Variants in NPSR1 observed in about 807,000 individuals in gnomAD.
NPSR1 encodes neuropeptide S receptor.
NPSR1 carries 48 observed loss-of-function variants against 46.9 expected under a neutral mutation model. That is an observed-to-expected ratio of 1.02 (90% confidence interval 0.81 to 1.30). The LOEUF (loss-of-function observed/expected upper bound fraction) is 1.30, where lower values mean the gene tolerates loss of function less well. Ranked by LOEUF, NPSR1 falls within the 50% of genes most tolerant of loss-of-function variation. The pLI is 0.00. For missense variants in NPSR1, 450 were observed against 449.5 expected (o/e 1.00, Z -0.01); for synonymous variants, 176 against 168.1 (o/e 1.05, Z -0.36).
intron 2 of NPSR1, among the ~76,000 whole-genome samples, chr7:34,737,915 T>C (rs1784756382): frequency 1.3e-5 from 2 of 152,178 alleles, no homozygotes; most frequent in African/African-American, 4.8e-5. Flanking sequence ...GTTTCCTTAG[T>C]CCAACACAGA....
At chr7:34,659,781 C>T (rs960761750) in intron 1 of NPSR1, among the ~76,000 whole-genome samples, 1 of 152,136 alleles carries the variant, frequency 6.6e-6, no homozygotes, top group Non-Finnish European at 1.5e-5. Context: ...CACTTAATGT[C>T]GACTGAATAA....
At chr7:34,757,646 C>T (rs747260865) in intron 2 of NPSR1, among the ~76,000 whole-genome samples, 1 of 152,204 alleles carries the variant, frequency 6.6e-6, no homozygotes, top group African/African-American at 2.4e-5. Flanking sequence ...ACTGACCCCC[C>T]AGTTTCTGCC....
chr7:34,815,187 G>A (rs918867470), intron 4 of NPSR1, among the ~76,000 whole-genome samples: 6 of 152,132 alleles, frequency 3.9e-5, no homozygotes, highest in African/African-American at 7.2e-5. Context: ...ATGGTTAGAC[G>A]AATGGCTAAA....
intron 8 of NPSR1, among the ~76,000 whole-genome samples, chr7:34,872,721 C>T (rs530866765): frequency 3.0e-4 from 46 of 151,784 alleles, no homozygotes; most frequent in Admixed American, 7.2e-4. Flanking sequence ...CTTTATAAAA[C>T]GATCAGGTCT....
chr7:34,685,928 C>A (rs34737361), intron 2 of NPSR1: 24 of 225,118 alleles, frequency 1.1e-4, no homozygotes, highest in Non-Finnish European at 2.1e-4. Context: ...CTCCTATAAC[C>A]GTAGAAGTAG....
intron 2 of NPSR1, among the ~76,000 whole-genome samples, chr7:34,724,077 C>G (rs1279609288): frequency 6.6e-6 from 1 of 152,182 alleles, no homozygotes; most frequent in Non-Finnish European, 1.5e-5. Context: ...ATCCATTATA[C>G]TTTCACTTTC....
chr7:34,756,510 T>C (rs561971209), intron 2 of NPSR1, among the ~76,000 whole-genome samples: 1 of 152,260 alleles, frequency 6.6e-6, no homozygotes, highest in African/African-American at 2.4e-5. Context: ...GCTTTGCAGG[T>C]CCTATGATCT....
At chr7:34,758,473 T>C (rs1414553259) in intron 2 of NPSR1, among the ~76,000 whole-genome samples, 1 of 152,206 alleles carries the variant, frequency 6.6e-6, no homozygotes, top group Non-Finnish European at 1.5e-5. Flanking sequence ...TTGCTCAACA[T>C]GTTGCCCATA....
At chr7:34,820,363 GGT>G in intron 4 of NPSR1, among the ~76,000 whole-genome samples, 1 of 152,184 alleles carries the variant, frequency 6.6e-6, no homozygotes, top group African/African-American at 2.4e-5. Context: ...TCGGTCATTT[GGT>G]GTGTCTGTTT....
At chr7:34,780,437 T>C (rs558962455) in intron 3 of NPSR1, among the ~76,000 whole-genome samples, 5 of 152,262 alleles carry the variant, frequency 3.3e-5, no homozygotes, top group African/African-American at 1.2e-4. Flanking sequence ...TCTTTTGACA[T>C]AGGGAAAACG....
At chr7:34,760,003 C>T (rs530408608) in intron 2 of NPSR1, among the ~76,000 whole-genome samples, 18 of 152,242 alleles carry the variant, frequency 1.2e-4, no homozygotes, top group South Asian at 2.1e-4. Flanking sequence ...TCACCTTATC[C>T]GCCATCAGTT....
chr7:34,692,142 G>A (rs1003729524), intron 2 of NPSR1, among the ~76,000 whole-genome samples: 28 of 151,524 alleles, frequency 1.8e-4, no homozygotes, highest in African/African-American at 2.2e-4. Context: ...AAAACAAAAC[G>A]AAACAAAATA....
intron 2 of NPSR1, among the ~76,000 whole-genome samples, chr7:34,729,520 A>G (rs1163303185): frequency 6.6e-6 from 1 of 152,204 alleles, no homozygotes; most frequent in Admixed American, 6.5e-5. Flanking sequence ...AAACAACATA[A>G]TAAAAGATAT....
intron 2 of NPSR1, among the ~76,000 whole-genome samples, chr7:34,712,148 T>A (rs1783322212): frequency 6.6e-6 from 1 of 152,222 alleles, no homozygotes. Flanking sequence ...CCACTGCAGA[T>A]CAGGGACTGG....
intron 1 of NPSR1, among the ~76,000 whole-genome samples, chr7:34,681,463 T>G (rs114004239): frequency 2.0e-5 from 3 of 152,108 alleles, no homozygotes; most frequent in Non-Finnish European, 4.4e-5. Context: ...ACAAGGTAAG[T>G]AGAGGTATGC....
At chr7:34,866,851 C>A (rs1001617864) in intron 8 of NPSR1, among the ~76,000 whole-genome samples, 4 of 151,594 alleles carry the variant, frequency 2.6e-5, no homozygotes, top group Non-Finnish European at 2.9e-5. Flanking sequence ...AAAACCCATG[C>A]CAAATTGAAA....
At chr7:34,836,369 T>C (rs758727324) in intron 6 of NPSR1, among the ~76,000 whole-genome samples, 1 of 152,168 alleles carries the variant, frequency 6.6e-6, no homozygotes, top group African/African-American at 2.4e-5. Flanking sequence ...AAGAGAATTA[T>C]ATGGACAGGG....
At chr7:34,703,886 C>G (rs1182767538) in intron 2 of NPSR1, 1 of 127,538 alleles carries the variant, frequency 7.8e-6, no homozygotes, top group Non-Finnish European at 1.7e-5. Context: ...AAGAGTAACT[C>G]CCGATGAGTG....
chr7:34,662,811 G>A lies in NPSR1; in HGVS notation c.147+4252G>A, dbSNP rs138381637. Reference sequence around the variant, plus strand: ...ATTTCACTTCACACAAATGAGAAAGGCTGAGGATGGCACACAATTTCCAAA... The same window carrying A: ...ATTTCACTTCACACAAATGAGAAAGACTGAGGATGGCACACAATTTCCAAA... On this transcript the variant is annotated intron_variant, in intron 1 of 8. Transcript: ENST00000360581. Among the ~76,000 whole-genome samples, 801 of 152,176 alleles carry A rather than the reference G, an allele frequency of 5.3e-3. 4 individuals carry two copies. Among genetic ancestry groups the A allele is most frequent in the Non-Finnish European group, 9.6e-3 (654 of 68,028 alleles).
Sources: gnomAD v4.1 joint callset for allele counts (sites outside exome capture counted in the v4.1 genomes callset) on GRCh38, gnomAD v4.1.1 for gene constraint, MANE v1.5 for transcripts, NCBI Gene and HGNC (gene_info 2026-07-23, HGNC 2026-07-21) for gene names.